HSD3B7: variants seen among roughly 807,000 people sequenced by gnomAD.
HSD3B7 encodes 3 beta-hydroxysteroid dehydrogenase type 7.
HSD3B7 carries 35 observed loss-of-function variants against 34.3 expected under a neutral mutation model. The observed-to-expected ratio is 1.02, with a 90% CI of 0.78 to 1.35. HSD3B7 has a LOEUF of 1.35. HSD3B7 is among the 40% of genes most tolerant of loss of function. The pLI, the probability that HSD3B7 is intolerant of heterozygous loss-of-function variation, is 0.00. For missense variants in HSD3B7, 426 were observed against 504.7 expected, an observed-to-expected ratio of 0.84 and a Z score of 1.49; for synonymous variants, 217 against 220.1, an observed-to-expected ratio of 0.99 and a Z score of 0.13.
chr16:30,987,731 C>T, intron 6 of HSD3B7, 37 bp from the exon 7 acceptor site: 2 of 1,604,740 alleles, frequency 1.2e-6, no homozygotes, highest in Middle Eastern at 1.7e-4. Context: ...TGCAAGGGCA[C>T]TCAGGGGTGT....
rs577031784 is a variant in HSD3B7 at position 30,988,282 on chromosome 16, G to A, written c.*99G>A. The A allele has an allele frequency of 1.7e-6, 2 of 1,194,144 alleles. No individual in the cohort carries two copies. The highest frequency in any genetic ancestry group is 2.6e-5 in the East Asian group (1 of 38,900). 74.0% of individuals were successfully genotyped at this position (1,194,144 alleles called of 1,614,324 possible). A position where few individuals can be genotyped will look rare whatever the true frequency, so the allele number is the denominator to read the frequency against. On this transcript the variant is annotated 3_prime_UTR_variant, in exon 7 of 7. Coordinates refer to ENST00000297679, the MANE Select transcript of HSD3B7 (RefSeq NM_025193.4). ...AAGGGACAGCTGCATTCCAGAGCAGGAGGCAGGGCTCTGGGGCCAGAATGG... is the reference window on the plus strand; with the variant it reads ...AAGGGACAGCTGCATTCCAGAGCAGAAGGCAGGGCTCTGGGGCCAGAATGG...
Position 30,988,979 on chromosome 16 carries a change from A to C in HSD3B7, c.*796A>C, listed in dbSNP as rs1169737430. On this transcript the variant is annotated 3_prime_UTR_variant, in exon 7 of 7. Coordinates refer to ENST00000297679, the MANE Select transcript of HSD3B7 (RefSeq NM_025193.4). ...GTTCCCATTGTTTTTCAAAGGCCTC[A>C]CCTTCAACTGTCTGTCTTAGAATTC... is the stretch of plus-strand genomic sequence containing the variant. The C allele has an allele frequency of 6.6e-6, 1 of 152,172 alleles. No homozygotes were observed. Among genetic ancestry groups the C allele is most frequent in the Non-Finnish European group, 1.5e-5 (1 of 68,064 alleles). 9.4% of individuals were successfully genotyped at this position (152,172 alleles called of 1,614,324 possible).
rs765629300 is a variant in HSD3B7 at position 30,988,665 on chromosome 16, G to A, written c.*482G>A. On this transcript the variant is annotated 3_prime_UTR_variant, in exon 7 of 7. Coordinates refer to ENST00000297679, the MANE Select transcript of HSD3B7 (RefSeq NM_025193.4). ...CACATTTTCAATCCAGGAGCCTTGA[G>A]TCTGTGTTGTGTCCTGACACCTCCA... The A allele has an allele frequency of 3.0e-5, 5 of 165,852 alleles. No homozygotes were observed. The highest frequency in any genetic ancestry group is 6.6e-5 in the Non-Finnish European group (5 of 75,350). 10.3% of individuals were successfully genotyped at this position (165,852 alleles called of 1,614,324 possible). A position where few individuals can be genotyped will look rare whatever the true frequency, so the allele number is the denominator to read the frequency against.
rs773106348 is a variant in HSD3B7 at position 30,988,191 on chromosome 16, G to T, written c.*8G>T. ...ACGGGTTCAGCCCAGTGACGGTGGG[G>T]CTGGGGCCTGGAGGCCCAGATACAG... is the stretch of plus-strand genomic sequence containing the variant. On this transcript the variant is annotated 3_prime_UTR_variant, in exon 7 of 7. Transcript: ENST00000297679. 3.2e-6 allele frequency: 5 copies of T among 1,585,560 alleles called. No individual in the cohort carries two copies. In the Admixed American group the frequency reaches 8.7e-5, roughly 28 times the overall value.
chr16:30,985,621 A>C (rs2056458117), intron 1 of HSD3B7, 32 bp from the exon 2 acceptor site: 2 of 1,578,542 alleles, frequency 1.3e-6, no homozygotes, highest in Non-Finnish European at 1.7e-6. Flanking sequence ...GGTGGCAGCC[A>C]GCCCCTGGAT....
At position 30,985,817 on chromosome 16, in the gene HSD3B7, G is replaced by A. The variant is rs776159319; in HGVS notation, c.159G>A (p.Leu53=). 6.2e-7 allele frequency: 1 copy of A among 1,600,484 alleles called. No individual in the cohort carries two copies. The highest frequency in any genetic ancestry group is 1.1e-5 in the South Asian group (1 of 89,114). ...ACCTGGGTCCCTGGCTGGAGGAGCT[G>A]AAGACAGGTTCTTGTTGGGGGAGCT... ...DQHLGPWLEE[L]KTGPVRVTAI... is the part of the protein sequence containing the mutation. The change falls in exon 2 of 7, where the codon CTG becomes CTA. Residue 53 remains leucine, a synonymous_variant. Transcript: ENST00000297679.
chr16:30,986,254 CTGTCTT>C (rs2056475323), intron 3 of HSD3B7, 50 bp downstream of exon 3: 20 of 1,599,648 alleles, frequency 1.3e-5, no homozygotes, highest in African/African-American at 4.0e-5. Flanking sequence ...GTTCCCCACT[CTGTCTT>C]TGGCCTTGAC....
intron 3 of HSD3B7, 103 bp from the exon 4 acceptor site, chr16:30,986,320 G>T: frequency 6.5e-7 from 1 of 1,550,116 alleles, no homozygotes; most frequent in South Asian, 1.2e-5. Flanking sequence ...CCCTGCCCCC[G>T]CCTCCCCTGA....
Position 30,985,827 on chromosome 16 carries a change from T to G in HSD3B7, c.166+3T>G. The G allele has an allele frequency of 1.1e-5, 17 of 1,598,872 alleles. No homozygotes were observed. Among genetic ancestry groups the G allele is most frequent in the Non-Finnish European group, 1.4e-5 (17 of 1,174,000 alleles). ...CTGGCTGGAGGAGCTGAAGACAGGTTCTTGTTGGGGGAGCTTGTGGTGGAG... is the reference window on the plus strand; with the variant it reads ...CTGGCTGGAGGAGCTGAAGACAGGTGCTTGTTGGGGGAGCTTGTGGTGGAG... On this transcript the variant is annotated splice_donor_region_variant and intron_variant, in intron 2 of 6. Coordinates refer to ENST00000297679, the MANE Select transcript of HSD3B7 (RefSeq NM_025193.4).
At position 30,988,459 on chromosome 16, in the gene HSD3B7, A is replaced by AT; in HGVS notation, c.*276_*277insT. The AT allele has an allele frequency of 1.6e-5, 7 of 440,328 alleles. No individual in the cohort carries two copies. Among genetic ancestry groups the AT allele is most frequent in the East Asian group, 8.2e-5 (2 of 24,396 alleles). The allele number at this position is 440,328 out of a possible 1,614,324, so 27.3% of individuals were successfully genotyped here. A position where few individuals can be genotyped will look rare whatever the true frequency, so the allele number is the denominator to read the frequency against. Reference sequence around the variant, plus strand: ...GCAATCCTCCTGCCTCAGCCTCCTGAACAGCTGGGACCACAGGTGCACGCC... The same window carrying AT: ...GCAATCCTCCTGCCTCAGCCTCCTGATACAGCTGGGACCACAGGTGCACGCC... On this transcript the variant is annotated 3_prime_UTR_variant, in exon 7 of 7. Coordinates refer to ENST00000297679, the MANE Select transcript of HSD3B7 (RefSeq NM_025193.4).
In HSD3B7 at chr16:30,988,078, C is replaced by T. The variant is rs145569107; in HGVS notation, c.1005C>T (p.Thr335=). The T allele has an allele frequency of 5.6e-6, 9 of 1,606,184 alleles. No individual in the cohort carries two copies. Among genetic ancestry groups the T allele is most frequent in the South Asian group, 5.5e-5 (5 of 91,076 alleles). The part of the protein sequence containing the change: ...AVANTTFTVS[T]DKAQRHFGYE... ...CCAACACCACCTTCACCGTCAGCAC[C>T]GACAAGGCTCAGCGCCATTTCGGCT... is the stretch of plus-strand genomic sequence containing the variant. The change falls in exon 7 of 7, where the codon ACC becomes ACT. Residue 335 remains threonine (T), a synonymous_variant. Transcript: ENST00000297679.
chr16:30,986,588 C>T lies in HSD3B7; in HGVS notation c.432-17C>T. The T allele has an allele frequency of 2.5e-6, 4 of 1,613,870 alleles. No individual in the cohort carries two copies. Among genetic ancestry groups the T allele is most frequent in the Non-Finnish European group, 3.4e-6 (4 of 1,179,734 alleles). ...CCCATTTCCCTCAGCATTGAGTCTT[C>T]CTTCTCCTCCCACCAGGGGCAACGA... On this transcript the variant is annotated splice_polypyrimidine_tract_variant and intron_variant, in intron 4 of 6. Transcript: ENST00000297679.
rs746278039 is a variant in HSD3B7, at chr16:30,986,548, C to T, written c.431+17C>T. 32 of 1,612,966 alleles carry T rather than the reference C, an allele frequency of 2.0e-5. No individual in the cohort carries two copies. The highest frequency in any genetic ancestry group is 2.6e-5 in the Non-Finnish European group (31 of 1,179,014). On this transcript the variant is annotated intron_variant, in intron 4 of 6. Coordinates refer to ENST00000297679, the MANE Select transcript of HSD3B7 (RefSeq NM_025193.4). Reference sequence around the variant, plus strand: ...CTTCTACAGGTGAGTGGCAGGCCCTCTTGTCCTCTAAGAGCCCATTTCCCT... The same window carrying T: ...CTTCTACAGGTGAGTGGCAGGCCCTTTTGTCCTCTAAGAGCCCATTTCCCT...
At chr16:30,987,467 G>C (rs927701715) in intron 6 of HSD3B7, 22 of 493,504 alleles carry the variant, frequency 4.5e-5, no homozygotes, top group African/African-American at 2.1e-4. Flanking sequence ...TTTAAAGGAA[G>C]TAGCATCTAC....
chr16:30,985,862 A>G, intron 2 of HSD3B7, 38 bp downstream of exon 2: 3 of 1,586,312 alleles, frequency 1.9e-6, no homozygotes, highest in Middle Eastern at 2.2e-4. Context: ...GAGGGTGTGG[A>G]CGCTTCCCCA....
In HSD3B7 at chr16:30,989,045, A is replaced by G. The variant is rs1056539148; in HGVS notation, c.*862A>G. The stretch of plus-strand genomic sequence containing the variant: ...TGGCCTCCCTATGCTTTCACTTCCC[A>G]CCTCTCTACCTAAGTTCCTTCCCAG... On this transcript the variant is annotated 3_prime_UTR_variant, in exon 7 of 7. Coordinates refer to ENST00000297679, the MANE Select transcript of HSD3B7 (RefSeq NM_025193.4). 6.6e-6 allele frequency: 1 copy of G among 151,472 alleles called. No individual in the cohort carries two copies. The highest frequency in any genetic ancestry group is 1.5e-5 in the Non-Finnish European group (1 of 67,854). The allele number at this position is 151,472 out of a possible 1,614,324, so 9.4% of individuals were successfully genotyped here.
In HSD3B7 at chr16:30,985,696, TG is replaced by T; in HGVS notation, c.40del (p.Val14SerfsTer40). 1 of 1,608,694 alleles carries T rather than the reference TG, an allele frequency of 6.2e-7. No individual in the cohort carries two copies. The highest frequency in any genetic ancestry group is 8.5e-7 in the Non-Finnish European group (1 of 1,179,432). On this transcript the variant is annotated frameshift_variant, in exon 2 of 7. Transcript: ENST00000297679. LOFTEE classifies it high-confidence loss of function. ...GCACAGGCCCAGAAGCTGGTGTACCTGGTCACAGGGGGCTGTGGCTTCCTGG... is the reference window on the plus strand; with the variant it reads ...GCACAGGCCCAGAAGCTGGTGTACCTGTCACAGGGGGCTGTGGCTTCCTGG... Reference protein sequence around the residue: ...DSAQAQKLVYLVTGGCGFLGE... With the variant: ...DSAQAQKLVYXVTGGCGFLGE...
chr16:30,988,583 G>A lies in HSD3B7; in HGVS notation c.*400G>A, dbSNP rs551492416. The stretch of plus-strand genomic sequence containing the variant: ...TGGGCTCAAGTGATCTTCCCACGTG[G>A]GCCTCCCAAAACGCTGGAACTACAA... On this transcript the variant is annotated 3_prime_UTR_variant, in exon 7 of 7. Transcript: ENST00000297679. The A allele has an allele frequency of 4.1e-4, 75 of 183,318 alleles. No homozygotes were observed. The highest frequency in any genetic ancestry group is 4.6e-4 in the Non-Finnish European group (40 of 86,062). 11.4% of individuals were successfully genotyped at this position (183,318 alleles called of 1,614,324 possible).
chr16:30,987,622 G>C, intron 6 of HSD3B7, 146 bp from the exon 7 acceptor site: 6 of 894,148 alleles, frequency 6.7e-6, no homozygotes, highest in Non-Finnish European at 1.1e-5. Flanking sequence ...ACCAGGGCGA[G>C]GGAGAAGGCA....
Sources: allele counts gnomAD v4.1 joint callset, GRCh38; gene constraint gnomAD v4.1.1; transcripts MANE v1.5; gene names NCBI Gene and HGNC (gene_info 2026-07-23, HGNC 2026-07-21).